The following PPOX variants were observed in gnomAD, a reference collection of about 807,000 sequenced individuals.
PPOX encodes variegate porphyria.
Under a neutral mutation model 54.1 loss-of-function variants are expected in PPOX, and 23 were observed. The observed-to-expected ratio is 0.43, with a 90% CI of 0.31 to 0.60. The LOEUF (loss-of-function observed/expected upper bound fraction) is 0.60, where lower values mean the gene tolerates loss of function less well. PPOX is among the 20% of genes least tolerant of loss of function. The pLI is 0.13. For missense variants in PPOX, 512 were observed against 601.1 expected, an observed-to-expected ratio of 0.85 and a Z score of 1.55; for synonymous variants, 224 against 236.1, an observed-to-expected ratio of 0.95 and a Z score of 0.47.
At chr1:161,175,735 C>T, downstream of PPOX, 1 of 1,571,976 alleles carries the variant, frequency 6.4e-7, no homozygotes, top group Non-Finnish European at 8.6e-7. Context: ...CCACTCCATG[C>T]CTCCCTATCC....
At chr1:161,177,373 C>A, downstream of PPOX, 1 of 385,236 alleles carries the variant, frequency 2.6e-6, no homozygotes, top group Admixed American at 3.9e-5. Context: ...TCTCGAATGC[C>A]CAAACCTTTA....
chr1:161,173,593 A>C (rs752202466), downstream of PPOX: 95 of 1,613,490 alleles, frequency 5.9e-5, no homozygotes, highest in Non-Finnish European at 7.6e-5. Context: ...AGGAAGTGGC[A>C]GGAAGTCTGA....
In PPOX at chr1:161,168,003, T is replaced by A; in HGVS notation, c.347T>A (p.Leu116His). 6.2e-7 allele frequency: 1 copy of A among 1,614,184 alleles called. No homozygotes were observed. Among genetic ancestry groups the A allele is most frequent in the Non-Finnish European group, 8.5e-7 (1 of 1,180,034 alleles). The part of the protein sequence containing the change: ...HALPTGLRGL[L>H]RPSPPFSKPL... ...TGCCTTTCTCCATGCAGGGGGCTAC[T>A]CCGCCCTTCACCCCCCTTCTCCAAA... Residue 116 changes from leucine (L) to histidine (H), a missense_variant, in exon 5 of 13, where the codon CTC becomes CAC. Physicochemically the swap from Leu to His is moderately conservative, Grantham distance 99 (BLOSUM62 -3). Transcript: ENST00000367999.
intron 4 of PPOX, chr1:161,176,448 T>A: frequency 2.6e-6 from 1 of 378,336 alleles, no homozygotes; most frequent in Non-Finnish European, 4.9e-6. Context: ...GTTCAAGCTG[T>A]CTTCTTAGGG....
downstream of PPOX, chr1:161,177,385 C>T (rs1664021584): frequency 9.6e-6 from 3 of 311,338 alleles, no homozygotes; most frequent in African/African-American, 4.2e-5. Context: ...AAACCTTTAT[C>T]CCAGGCCTCC....
chr1:161,171,669 CA>C, downstream of PPOX: 2 of 1,161,494 alleles, frequency 1.7e-6, no homozygotes, highest in Non-Finnish European at 2.4e-6. Context: ...AGCTCCAGTC[CA>C]GCAGTGAGGG....
intron 4 of PPOX, 106 bp from the exon 5 acceptor site, chr1:161,167,889 C>G: frequency 6.4e-7 from 1 of 1,561,150 alleles, no homozygotes; most frequent in Non-Finnish European, 8.8e-7. Context: ...ATCTCCCTGT[C>G]AGCCTTCCCA....
chr1:161,166,366 A>C, upstream of PPOX: 5 of 1,050,426 alleles, frequency 4.8e-6, no homozygotes, highest in Non-Finnish European at 5.8e-6. Context: ...GGGGCCTTCC[A>C]AGTCCCGCCA....
chr1:161,168,014 C>T lies in PPOX; in HGVS notation c.358C>T (p.Pro120Ser). ...ATGCAGGGGGCTACTCCGCCCTTCA[C>T]CCCCCTTCTCCAAACCTCTGTTTTG... Reference protein sequence around the residue: ...TGLRGLLRPSPPFSKPLFWAG... With the variant: ...TGLRGLLRPSSPFSKPLFWAG... The change falls in exon 5 of 13, where the codon CCC becomes TCC. Residue 120 changes from proline (P) to serine (S), a missense_variant. Pro to Ser is a moderately conservative substitution (Grantham distance 74). Coordinates refer to ENST00000367999, the MANE Select transcript of PPOX (RefSeq NM_001122764.3). 2 of 1,614,174 alleles carry T rather than the reference C, an allele frequency of 1.2e-6. No homozygotes were observed. The highest frequency in any genetic ancestry group is 8.5e-7 in the Non-Finnish European group (1 of 1,180,030).
downstream of PPOX, chr1:161,175,758 G>C: frequency 6.3e-7 from 1 of 1,598,364 alleles, no homozygotes; most frequent in Non-Finnish European, 8.5e-7. Flanking sequence ...AAGCCTCCCT[G>C]TCTCCGCACC....
downstream of PPOX, chr1:161,177,306 C>G (rs1663994243): frequency 1.8e-6 from 1 of 556,884 alleles, no homozygotes; most frequent in African/African-American, 1.9e-5. Context: ...ATACTTCCAC[C>G]TAGGACCCCG....
chr1:161,173,244 G>A (rs1163934092), downstream of PPOX, among the ~76,000 whole-genome samples: 1 of 152,208 alleles, frequency 6.6e-6, no homozygotes, highest in African/African-American at 2.4e-5. Flanking sequence ...GCGATTCTGG[G>A]AACATGGAGC....
chr1:161,167,306 G>A, intron 3 of PPOX, 65 bp from the exon 4 acceptor site: 1 of 1,614,090 alleles, frequency 6.2e-7, no homozygotes, highest in South Asian at 1.1e-5. Context: ...TTTAGGGGAG[G>A]AAGTATGTTT....
chr1:161,168,277 T>G, intron 5 of PPOX, 150 bp downstream of exon 5: 1 of 1,536,446 alleles, frequency 6.5e-7, no homozygotes. Flanking sequence ...CCAAAACTCA[T>G]TATTGGGAGT....
At chr1:161,173,261 CCT>C (rs944355399), downstream of PPOX, among the ~76,000 whole-genome samples, 22 of 152,178 alleles carry the variant, frequency 1.4e-4, no homozygotes, top group African/African-American at 1.9e-4. Context: ...GAGCAGAGCC[CCT>C]CTCTCCTAAC....
At chr1:161,166,773 A>G (rs1314196733) in intron 1 of PPOX, 67 bp from the exon 2 acceptor site, 2 of 1,597,106 alleles carry the variant, frequency 1.3e-6, no homozygotes, top group African/African-American at 2.7e-5. Flanking sequence ...AGAACTCAAA[A>G]CCGGCGGGGC....
At chr1:161,176,756 G>A in intron 4 of PPOX, 2 of 1,012,388 alleles carry the variant, frequency 2.0e-6, no homozygotes, top group Non-Finnish European at 2.9e-6. Flanking sequence ...ATAAGTGTCA[G>A]GTTCATACTT....
At chr1:161,173,841 C>T, downstream of PPOX, 3 of 1,611,552 alleles carry the variant, frequency 1.9e-6, no homozygotes, top group South Asian at 1.1e-5. Flanking sequence ...TTTCCCAGTA[C>T]CCTTCCATGC....
At chr1:161,167,344 C>T (rs751509828) in intron 3 of PPOX, 27 bp from the exon 4 acceptor site, 8 of 1,613,838 alleles carry the variant, frequency 5.0e-6, no homozygotes, top group Non-Finnish European at 6.8e-6. Context: ...CTTAGTTTCT[C>T]CTCTTCTGAG....
Sources: gnomAD v4.1 joint callset for allele counts (sites outside exome capture counted in the v4.1 genomes callset) on GRCh38, gnomAD v4.1.1 for gene constraint, MANE v1.5 for transcripts, NCBI Gene and HGNC (gene_info 2026-07-23, HGNC 2026-07-21) for gene names.